The following RAP1GAP2 variants were observed in gnomAD, a reference collection of about 807,000 sequenced individuals.
RAP1GAP2 encodes RAP1 GTPase activating protein 2.
RAP1GAP2 carries 27 observed loss-of-function variants against 95.0 expected under a neutral mutation model. The ratio of observed to expected loss-of-function variants is 0.28; its 90% CI spans 0.21 to 0.39. RAP1GAP2 has a LOEUF of 0.39. Among genes scored for constraint, RAP1GAP2 ranks in the 10% least tolerant of loss-of-function variants. The probability of loss-of-function intolerance (pLI) is 1.00; values close to 1 mark genes in which losing one functional copy is unlikely to be tolerated. For synonymous variants in RAP1GAP2, 373 were observed against 380.9 expected (o/e 0.98, Z 0.24); for missense variants, 771 against 970.0 (o/e 0.79, Z 2.72).
At chr17:2,780,445 G>T (rs1006725523) in intron 1 of RAP1GAP2, among the ~76,000 whole-genome samples, 1 of 152,248 alleles carries the variant, frequency 6.6e-6, no homozygotes, top group African/African-American at 2.4e-5. Context: ...AACAGTTCCT[G>T]TTATGAGCGG....
At chr17:2,814,738 C>G (rs553707195) in intron 2 of RAP1GAP2, among the ~76,000 whole-genome samples, 6 of 152,142 alleles carry the variant, frequency 3.9e-5, no homozygotes, top group Non-Finnish European at 7.4e-5. Context: ...GTACCACCCC[C>G]CCCAACCCCA....
chr17:2,854,244 G>C, intron 2 of RAP1GAP2: 1 of 774,958 alleles, frequency 1.3e-6, no homozygotes, highest in Non-Finnish European at 1.6e-6. Flanking sequence ...TGCGAACCGA[G>C]TTCGGAGCTT....
At chr17:2,769,878 G>C (rs563872376) in intron 1 of RAP1GAP2, among the ~76,000 whole-genome samples, 20 of 152,120 alleles carry the variant, frequency 1.3e-4, no homozygotes, top group African/African-American at 4.3e-4. Flanking sequence ...TTTGAGACCA[G>C]CCTGGCCAAC....
At chr17:2,959,997 C>T (rs886892583) in intron 4 of RAP1GAP2, among the ~76,000 whole-genome samples, 13 of 151,634 alleles carry the variant, frequency 8.6e-5, no homozygotes, top group South Asian at 4.2e-4. Flanking sequence ...TGGTGGCACA[C>T]GCCTGTAATC....
At chr17:2,891,809 C>CTTTTATTTTTTTTTT (rs1488865061) in intron 2 of RAP1GAP2, among the ~76,000 whole-genome samples, 1 of 58,030 alleles carries the variant, frequency 1.7e-5, no homozygotes, top group African/African-American at 5.7e-5. Context: ...ATTCATATTT[C>CTTTTATTTTTTTTTT]TTTTCTTTTT....
chr17:2,872,927 A>T (rs1417991368), intron 2 of RAP1GAP2, among the ~76,000 whole-genome samples: 1 of 151,842 alleles, frequency 6.6e-6, no homozygotes, highest in African/African-American at 2.4e-5. Context: ...GCCTCCCAAA[A>T]GTGGGACTCT....
intron 1 of RAP1GAP2, among the ~76,000 whole-genome samples, chr17:2,783,537 C>G (rs770827759): frequency 6.6e-6 from 1 of 152,216 alleles, no homozygotes; most frequent in African/African-American, 2.4e-5. Context: ...GTCTCTTACA[C>G]AACAGGGACT....
At chr17:2,813,006 T>C (rs1184456192) in intron 2 of RAP1GAP2, among the ~76,000 whole-genome samples, 1 of 141,522 alleles carries the variant, frequency 7.1e-6, no homozygotes, top group Admixed American at 6.9e-5. Flanking sequence ...AAAAAAAAAA[T>C]TCTGATGCCC....
rs543449628 is a variant in RAP1GAP2 at position 2,905,693 on chromosome 17, T to G, written c.165+325T>G. On this transcript the variant is annotated intron_variant, in intron 3 of 24. Transcript: ENST00000254695. ...ATAGAAGGCAGCTGCCCAGAAGGAC[T>G]GCCTGGGGCTGGGCTGTGGCCCTCC... Among the ~76,000 whole-genome samples the G allele has an allele frequency of 9.2e-5, 14 of 152,298 alleles. 1 individual carries two copies. The South Asian group carries it at 2.9e-3, about 32-fold the overall frequency.
chr17:2,767,969 T>A (rs1383419794), intron 1 of RAP1GAP2, among the ~76,000 whole-genome samples: 7 of 152,168 alleles, frequency 4.6e-5, no homozygotes, highest in Non-Finnish European at 1.0e-4. Context: ...CCTGACCTCG[T>A]GATCCATCTG....
intron 2 of RAP1GAP2, among the ~76,000 whole-genome samples, chr17:2,824,965 G>T (rs1321007768): frequency 6.6e-6 from 1 of 152,062 alleles, no homozygotes; most frequent in Non-Finnish European, 1.5e-5. Context: ...TCTTTTAGGA[G>T]ACAAGGTGTT....
At chr17:2,767,437 G>T (rs1241389232) in intron 1 of RAP1GAP2, among the ~76,000 whole-genome samples, 1 of 146,718 alleles carries the variant, frequency 6.8e-6, no homozygotes, top group Non-Finnish European at 1.5e-5. Flanking sequence ...GTTGTGAAAA[G>T]GTCACTTTCC....
chr17:2,892,700 T>A (rs2073763306), intron 2 of RAP1GAP2, among the ~76,000 whole-genome samples: 1 of 152,188 alleles, frequency 6.6e-6, no homozygotes, highest in South Asian at 2.1e-4. Context: ...GAGCAAATGT[T>A]CCTAGAGGTA....
chr17:3,021,939 A>G (rs572911990), intron 19 of RAP1GAP2, among the ~76,000 whole-genome samples: 3 of 152,378 alleles, frequency 2.0e-5, no homozygotes, highest in African/African-American at 7.2e-5. Context: ...TAGTGCTGCA[A>G]TAAACATGGG....
At chr17:2,863,524 G>A (rs923148016) in intron 2 of RAP1GAP2, among the ~76,000 whole-genome samples, 2 of 152,132 alleles carry the variant, frequency 1.3e-5, no homozygotes, top group African/African-American at 2.4e-5. Flanking sequence ...GTTGCGGGGG[G>A]CCTGTGGATG....
Position 2,955,653 on chromosome 17 carries a change from C to T in RAP1GAP2, c.166-2106C>T, listed in dbSNP as rs894979635. Among the ~76,000 whole-genome samples the T allele has an allele frequency of 2.6e-5, 4 of 152,134 alleles. No individual in the cohort carries two copies. In the East Asian group the frequency reaches 7.7e-4, roughly 29 times the overall value. ...TTGGTAGAATTTACAAATGAAGCCA[C>T]CTGGGTCTGGGCTTTCCTTCGTGCG... is the stretch of plus-strand genomic sequence containing the variant. On this transcript the variant is annotated intron_variant, in intron 3 of 24. Coordinates refer to ENST00000254695, the MANE Select transcript of RAP1GAP2 (RefSeq NM_015085.5).
chr17:3,005,083 T>C lies in RAP1GAP2; in HGVS notation c.1201-286T>C, dbSNP rs2046292772. ...CACGAGATGCCATCTCCCGGGCACT[T>C]GTATGGCATTAAAATTAGGGTCCCA... On this transcript the variant is annotated intron_variant, in intron 14 of 24. Coordinates refer to ENST00000254695, the MANE Select transcript of RAP1GAP2 (RefSeq NM_015085.5). The surrounding 1 kb of genome is among the most constrained non-coding windows in gnomAD (Gnocchi z 5.2). 6.6e-6 allele frequency among the ~76,000 whole-genome samples: 1 copy of C among 152,060 alleles called. No individual in the cohort carries two copies. The highest frequency in any genetic ancestry group is 2.4e-5 in the African/African-American group (1 of 41,402).
chr17:2,869,698 G>T (rs529353976), intron 2 of RAP1GAP2, among the ~76,000 whole-genome samples: 1 of 152,338 alleles, frequency 6.6e-6, no homozygotes, highest in African/African-American at 2.4e-5. Flanking sequence ...TGAGGGTCAC[G>T]TGTTGCTGGG....
At chr17:2,937,943 T>G (rs1165810806) in intron 3 of RAP1GAP2, among the ~76,000 whole-genome samples, 1 of 152,088 alleles carries the variant, frequency 6.6e-6, no homozygotes, top group Non-Finnish European at 1.5e-5. Context: ...CTGTTCTCCC[T>G]TGGAAGACTG....
Sources: allele counts gnomAD v4.1 joint callset (sites outside exome capture counted in the v4.1 genomes callset), GRCh38; gene constraint gnomAD v4.1.1; non-coding constraint Gnocchi (gnomAD v3.1); transcripts MANE v1.5; gene names NCBI Gene and HGNC (gene_info 2026-07-23, HGNC 2026-07-21).